The following ATAD2B variants were observed in gnomAD, a reference collection of about 807,000 sequenced individuals.
The protein encoded by ATAD2B is ATPase family AAA domain-containing protein 2B.
In ATAD2B, 40 loss-of-function variants were observed where a neutral mutation model predicts 167.6. The ratio of observed to expected loss-of-function variants is 0.24; its 90% CI spans 0.19 to 0.31. The LOEUF is 0.31. Among genes scored for constraint, ATAD2B ranks in the 10% least tolerant of loss-of-function variants. ATAD2B has a pLI of 1.00. For missense variants in ATAD2B, 1,242 were observed against 1,757.2 expected (o/e 0.71, Z 5.24); for synonymous variants, 579 against 596.5 (o/e 0.97, Z 0.43).
At chr2:23,711,323 C>T in the ATAD2B span, among the ~76,000 whole-genome samples, 1 of 120,788 alleles carries the variant, frequency 8.3e-6, no homozygotes, top group Non-Finnish European at 1.7e-5. Flanking sequence ...AGAGAGTAAT[C>T]TTTCCACAGA....
At chr2:23,901,876 A>G (rs1294266888) in intron 1 of ATAD2B, among the ~76,000 whole-genome samples, 1 of 152,216 alleles carries the variant, frequency 6.6e-6, no homozygotes, top group Non-Finnish European at 1.5e-5. Context: ...ACTATGTACC[A>G]TTGAACTGAA....
chr2:23,813,082 G>A (rs1184079601), intron 17 of ATAD2B, among the ~76,000 whole-genome samples: 2 of 152,064 alleles, frequency 1.3e-5, no homozygotes, highest in East Asian at 3.9e-4. Flanking sequence ...CTCAGGTTCT[G>A]AACCCACTAT....
intron 15 of ATAD2B, 43 bp downstream of exon 15, chr2:23,828,806 G>C: frequency 1.5e-6 from 2 of 1,310,798 alleles, no homozygotes; most frequent in African/African-American, 1.5e-5. Flanking sequence ...AGGTTGAGCA[G>C]AACAAACAAT....
intron 1 of ATAD2B, among the ~76,000 whole-genome samples, chr2:23,904,121 A>G (rs1351428297): frequency 6.6e-6 from 1 of 152,192 alleles, no homozygotes; most frequent in Non-Finnish European, 1.5e-5. Flanking sequence ...TGAGTTAAGG[A>G]GCAGAGACAG....
chr2:23,725,799 A>T, the ATAD2B span, among the ~76,000 whole-genome samples: 1 of 152,240 alleles, frequency 6.6e-6, no homozygotes, highest in Admixed American at 6.5e-5. Context: ...AAATGTAAAA[A>T]TGTAAACCAC....
At chr2:23,680,282 G>A in the ATAD2B span, among the ~76,000 whole-genome samples, 102 of 152,272 alleles carry the variant, frequency 6.7e-4, no homozygotes, top group African/African-American at 2.3e-3. The surrounding 1 kb of genome is among the most constrained non-coding windows in gnomAD (Gnocchi z 4.1). Context: ...GAAGGCCTGC[G>A]GATTGCGGGC....
chr2:23,808,084 T>TATATATAATTATATATATAAGTAATTAG (rs1684864996), intron 18 of ATAD2B, among the ~76,000 whole-genome samples: 1 of 131,832 alleles, frequency 7.6e-6, no homozygotes. Context: ...TAAGTAATTA[T>TATATATAATTATATATATAAGTAATTAG]ATATATAATT....
intron 2 of ATAD2B, among the ~76,000 whole-genome samples, chr2:23,893,060 G>C (rs2150342024): frequency 6.6e-6 from 1 of 152,218 alleles, no homozygotes; most frequent in South Asian, 2.1e-4. Context: ...TTAAAATTCT[G>C]TTGATACACT....
chr2:23,910,509 C>G (rs1431530887), intron 1 of ATAD2B, among the ~76,000 whole-genome samples: 1 of 151,816 alleles, frequency 6.6e-6, no homozygotes, highest in Non-Finnish European at 1.5e-5. Flanking sequence ...TGTCTGGTCA[C>G]TCAATTGCAG....
At chr2:23,683,685 A>C in the ATAD2B span, among the ~76,000 whole-genome samples, 3 of 152,194 alleles carry the variant, frequency 2.0e-5, no homozygotes, top group Non-Finnish European at 4.4e-5. Flanking sequence ...CGGGCTGTAA[A>C]GCAGGCTCTG....
At chr2:23,769,049 A>T (rs961841466) in intron 22 of ATAD2B, among the ~76,000 whole-genome samples, 44 of 152,298 alleles carry the variant, frequency 2.9e-4, no homozygotes, top group Middle Eastern at 6.8e-3. Context: ...GGCTAGGTCA[A>T]ATGATAGGTA....
At chr2:23,903,959 G>A (rs1170994383) in intron 1 of ATAD2B, among the ~76,000 whole-genome samples, 2 of 152,028 alleles carry the variant, frequency 1.3e-5, no homozygotes, top group East Asian at 3.8e-4. Flanking sequence ...TGGTGGTGGT[G>A]GTAGTGGTGA....
rs138669840 is a variant in ATAD2B, at chr2:23,872,902, A to G, written c.977+2927T>C. On this transcript the variant is annotated intron_variant, in intron 8 of 27. Transcript: ENST00000238789. ...AGTGCCTGCCTGCCTGCCACTCTTC[A>G]TCTCCTTATGGCCCGCCGGGCTCAC... 4.8e-3 allele frequency: 3,715 copies of G among 779,796 alleles called. 20 individuals carry two copies. The highest frequency in any genetic ancestry group is 7.2e-3 in the Non-Finnish European group (3,064 of 425,296). The allele number at this position is 779,796 out of a possible 1,614,324, so 48.3% of individuals were successfully genotyped here. A position where few individuals can be genotyped will look rare whatever the true frequency, so the allele number is the denominator to read the frequency against.
the ATAD2B span, among the ~76,000 whole-genome samples, chr2:23,705,576 C>T: frequency 4.6e-5 from 7 of 151,996 alleles, no homozygotes; most frequent in Admixed American, 1.3e-4. Flanking sequence ...ATAGGTGCAC[C>T]ACAGAAGGAA....
At chr2:23,918,593 T>TA (rs1703423815) in intron 1 of ATAD2B, among the ~76,000 whole-genome samples, 1 of 152,204 alleles carries the variant, frequency 6.6e-6, no homozygotes, top group Admixed American at 6.5e-5. Context: ...TTCATATCCC[T>TA]ATATGTTACT....
At chr2:23,817,788 G>A (rs1686679794) in intron 17 of ATAD2B, among the ~76,000 whole-genome samples, 1 of 152,014 alleles carries the variant, frequency 6.6e-6, no homozygotes, top group Non-Finnish European at 1.5e-5. Context: ...TCAAATGAAT[G>A]AACTAGAAAA....
the ATAD2B span, among the ~76,000 whole-genome samples, chr2:23,711,024 A>ATTAG: frequency 1.2e-4 from 19 of 152,210 alleles, no homozygotes; most frequent in African/African-American, 4.6e-4. Context: ...GAGACAGGTA[A>ATTAG]TACTAAAGAC....
the ATAD2B span, chr2:23,703,901 A>C: frequency 6.6e-7 from 1 of 1,516,108 alleles, no homozygotes; most frequent in Non-Finnish European, 8.8e-7. Flanking sequence ...GCTGGGACGG[A>C]GGAGTGGGAG....
At chr2:23,687,762 G>A in the ATAD2B span, among the ~76,000 whole-genome samples, 1 of 152,202 alleles carries the variant, frequency 6.6e-6, no homozygotes, top group African/African-American at 2.4e-5. Context: ...GGCGGGAGGG[G>A]GTCTCAGGTC....
Sources: gnomAD v4.1 joint callset for allele counts (sites outside exome capture counted in the v4.1 genomes callset) on GRCh38, gnomAD v4.1.1 for gene constraint, Gnocchi (gnomAD v3.1) non-coding constraint, MANE v1.5 for transcripts, NCBI Gene and HGNC (gene_info 2026-07-23, HGNC 2026-07-21) for gene names.